Variants in ACTN4 observed in about 807,000 individuals in gnomAD.
The protein encoded by ACTN4 is actinin alpha 4.
A neutral mutation model predicts 114.2 loss-of-function variants in ACTN4; 18 were observed. That is an observed-to-expected ratio of 0.16 (90% CI 0.11 to 0.23). The LOEUF is 0.23. Among genes scored for constraint, ACTN4 ranks in the 10% least tolerant of loss-of-function variants. ACTN4 has a pLI of 1.00. For synonymous variants in ACTN4, 515 were observed against 506.3 expected, an observed-to-expected ratio of 1.02 and a Z score of -0.23; for missense variants, 722 against 1,262.9, an observed-to-expected ratio of 0.57 and a Z score of 6.49.
chr19:38,695,939 G>A (rs2144974066), intron 1 of ACTN4, among the ~76,000 whole-genome samples: 1 of 152,122 alleles, frequency 6.6e-6, no homozygotes, highest in Non-Finnish European at 1.5e-5. Context: ...TTTAAACCCA[G>A]CTCTGTAACT....
intron 1 of ACTN4, among the ~76,000 whole-genome samples, chr19:38,676,767 G>T (rs988523799): frequency 6.6e-6 from 1 of 152,150 alleles, no homozygotes; most frequent in Non-Finnish European, 1.5e-5. Context: ...AGCATGACCA[G>T]GTGCTCTAGC....
At chr19:38,652,653 C>G (rs1376455133) in intron 1 of ACTN4, among the ~76,000 whole-genome samples, 1 of 152,166 alleles carries the variant, frequency 6.6e-6, no homozygotes, top group Non-Finnish European at 1.5e-5. Flanking sequence ...TTAACGGCAG[C>G]CGACTGCTTG....
chr19:38,672,973 C>T (rs1217191792), intron 1 of ACTN4, among the ~76,000 whole-genome samples: 33 of 139,526 alleles, frequency 2.4e-4, no homozygotes, highest in Non-Finnish European at 7.6e-5. Context: ...GAGACAGTCT[C>T]ACTCTGTCTC....
chr19:38,722,404 C>T (rs1969075892), intron 12 of ACTN4, among the ~76,000 whole-genome samples: 1 of 152,220 alleles, frequency 6.6e-6, no homozygotes, highest in African/African-American at 2.4e-5. Context: ...CACCGACACC[C>T]CCACCCCACC....
chr19:38,701,902 C>T (rs1968288909), intron 3 of ACTN4, among the ~76,000 whole-genome samples: 1 of 152,266 alleles, frequency 6.6e-6, no homozygotes, highest in Admixed American at 6.5e-5. Flanking sequence ...CCGTTAATGA[C>T]AGGGCTCTGA....
intron 1 of ACTN4, among the ~76,000 whole-genome samples, chr19:38,660,263 A>G (rs1230561670): frequency 6.6e-6 from 1 of 151,948 alleles, no homozygotes; most frequent in Non-Finnish European, 1.5e-5. Context: ...CTGGTGGGGG[A>G]GACAGCATGC....
At chr19:38,719,433 G>C (rs1297256781) in intron 11 of ACTN4, among the ~76,000 whole-genome samples, 4 of 152,212 alleles carry the variant, frequency 2.6e-5, no homozygotes, top group Non-Finnish European at 4.4e-5. Context: ...CCTCACATGA[G>C]CTCAGCTCGC....
chr19:38,729,506 C>T lies in ACTN4; in HGVS notation c.*74C>T. 1 of 1,446,840 alleles carries T rather than the reference C, an allele frequency of 6.9e-7. No individual in the cohort carries two copies. Among genetic ancestry groups the T allele is most frequent in the Non-Finnish European group, 9.4e-7 (1 of 1,068,164 alleles). 89.6% of individuals were successfully genotyped at this position (1,446,840 alleles called of 1,614,324 possible). Reference sequence around the variant, plus strand: ...TGGGCAGCCCCACAGTCCCATTCCTCCACTCTGTATCTATGCAAAGCACTC... The same window carrying T: ...TGGGCAGCCCCACAGTCCCATTCCTTCACTCTGTATCTATGCAAAGCACTC... On this transcript the variant is annotated 3_prime_UTR_variant, in exon 21 of 21. Coordinates refer to ENST00000252699, the MANE Select transcript of ACTN4 (RefSeq NM_004924.6).
chr19:38,670,501 TGGAG>T lies in ACTN4; in HGVS notation c.162+22598_162+22601del, dbSNP rs1392576018. Among the ~76,000 whole-genome samples the T allele has an allele frequency of 2.0e-5, 3 of 152,046 alleles. 1 individual carries two copies. In the South Asian group the frequency reaches 6.3e-4, roughly 32 times the overall value. On this transcript the variant is annotated intron_variant, in intron 1 of 20. Transcript: ENST00000252699. ...TCACATGGTAGGTGAGGTGACAAAA[TGGAG>T]GGAAGTAGCCTGGGTGGGGACTGGG... is the stretch of plus-strand genomic sequence containing the variant.
At position 38,724,421 on chromosome 19, in the gene ACTN4, C is replaced by T. The variant is rs1217590664; in HGVS notation, c.1876-10C>T. The T allele has an allele frequency of 6.2e-7, 1 of 1,613,008 alleles. No homozygotes were observed. The highest frequency in any genetic ancestry group is 1.1e-5 in the South Asian group (1 of 91,068). ...CCCTGACCGCTCCCACACCGCGTCT[C>T]CTCTGCCAGGTGCAGCAGCTGGTGC... On this transcript the variant is annotated splice_polypyrimidine_tract_variant and intron_variant, in intron 15 of 20. Transcript: ENST00000252699. This position sits in a 1 kb window ranked among gnomAD's most constrained non-coding sequence, Gnocchi z 7.0.
In ACTN4 at chr19:38,731,005, A is replaced by C; in HGVS notation, c.*1573A>C. The C allele has an allele frequency of 6.4e-7, 1 of 1,552,498 alleles. No homozygotes were observed. The highest frequency in any genetic ancestry group is 8.7e-7 in the Non-Finnish European group (1 of 1,148,108). ...GCAGATGACCCCCTCACCCCCATCC[A>C]GGTGCTGGCTGCAGTGGCCTGTGCA... On this transcript the variant is annotated 3_prime_UTR_variant, in exon 21 of 21. Transcript: ENST00000252699.
At chr19:38,665,665 CT>C (rs1166553317) in intron 1 of ACTN4, among the ~76,000 whole-genome samples, 2 of 152,198 alleles carry the variant, frequency 1.3e-5, no homozygotes, top group African/African-American at 4.8e-5. Flanking sequence ...ACGCAGCCCT[CT>C]CCCCAGCCCC....
At chr19:38,682,438 C>T (rs1295936675) in intron 1 of ACTN4, among the ~76,000 whole-genome samples, 1 of 152,122 alleles carries the variant, frequency 6.6e-6, no homozygotes, top group Non-Finnish European at 1.5e-5. Flanking sequence ...CTCGCCTTGG[C>T]CTCCCAAAGT....
chr19:38,679,521 A>G (rs1299933267), intron 1 of ACTN4, among the ~76,000 whole-genome samples: 1 of 150,586 alleles, frequency 6.6e-6, no homozygotes, highest in African/African-American at 2.5e-5. Flanking sequence ...CTCCCAACAC[A>G]CTCCCCCCAG....
intron 9 of ACTN4, among the ~76,000 whole-genome samples, chr19:38,715,970 T>G (rs936922623): frequency 2.6e-5 from 4 of 152,204 alleles, no homozygotes; most frequent in Non-Finnish European, 4.4e-5. Flanking sequence ...GGCACGACCT[T>G]GGCTCACTGC....
Position 38,647,676 on chromosome 19 carries a change from G to C in ACTN4, c.-70G>C. 6.7e-7 allele frequency: 1 copy of C among 1,485,620 alleles called. No homozygotes were observed. The highest frequency in any genetic ancestry group is 8.9e-7 in the Non-Finnish European group (1 of 1,117,548). The allele number at this position is 1,485,620 out of a possible 1,614,324, so 92.0% of individuals were successfully genotyped here. ...AGCAGCTGAAGCGGCGGTAGCGGCG[G>C]CGGCTCGGGCAGAGGGGCGGGAGCT... On this transcript the variant is annotated 5_prime_UTR_variant, in exon 1 of 21. Coordinates refer to ENST00000252699, the MANE Select transcript of ACTN4 (RefSeq NM_004924.6).
chr19:38,712,269 G>A (rs2145041016), intron 8 of ACTN4, among the ~76,000 whole-genome samples: 1 of 152,216 alleles, frequency 6.6e-6, no homozygotes, highest in South Asian at 2.1e-4. Flanking sequence ...ACCTTCTGTG[G>A]ACCCCTGCTT....
rs1364268924 is a variant in ACTN4 at position 38,649,311 on chromosome 19, C to T, written c.162+1404C>T. Among the ~76,000 whole-genome samples the T allele has an allele frequency of 6.6e-5, 8 of 121,966 alleles. No homozygotes were observed. In the East Asian group the frequency reaches 1.9e-3, roughly 29 times the overall value. 80.0% of individuals were successfully genotyped at this position (121,966 alleles called of 152,430 possible). On this transcript the variant is annotated intron_variant, in intron 1 of 20. Transcript: ENST00000252699. ...ATCCAGTGTGGTTGAGGGGGGAGCT[C>T]TGAGTGTGTGCAGGAAGAGCTAAAG... is the stretch of plus-strand genomic sequence containing the variant.
chr19:38,729,066 C>A lies in ACTN4; in HGVS notation c.2489C>A (p.Ala830Asp), dbSNP rs1969374231. Reference sequence around the variant, plus strand: ...CATAGCGGCCTTGTGACCTTCCAAGCCTTCATCGACTTCATGTCGCGGGAG... The same window carrying A: ...CATAGCGGCCTTGTGACCTTCCAAGACTTCATCGACTTCATGTCGCGGGAG... ...PNHSGLVTFQ[A>D]FIDFMSRETT... Residue 830 changes from alanine (A) to aspartate (D), a missense_variant, in exon 20 of 21, where the codon GCC becomes GAC. By Grantham distance (126) the Ala-to-Asp change is moderately radical. Coordinates refer to ENST00000252699, the MANE Select transcript of ACTN4 (RefSeq NM_004924.6). 6.2e-7 allele frequency: 1 copy of A among 1,613,442 alleles called. No homozygotes were observed. The highest frequency in any genetic ancestry group is 1.3e-5 in the African/African-American group (1 of 74,914).
Sources: gnomAD v4.1 joint callset for allele counts (sites outside exome capture counted in the v4.1 genomes callset) on GRCh38, gnomAD v4.1.1 for gene constraint, Gnocchi (gnomAD v3.1) non-coding constraint, MANE v1.5 for transcripts, NCBI Gene and HGNC (gene_info 2026-07-23, HGNC 2026-07-21) for gene names.